The following CAST variants were observed in gnomAD, a reference collection of about 807,000 sequenced individuals.
CAST encodes the protein MIR583 host.
In CAST, 76 loss-of-function variants were observed where a neutral mutation model predicts 119.6. That is an observed-to-expected ratio of 0.64 (90% confidence interval 0.53 to 0.77). The LOEUF (loss-of-function observed/expected upper bound fraction) is 0.77. Among genes scored for constraint, CAST ranks in the 30% least tolerant of loss-of-function variants. CAST has a pLI of 0.00. For missense variants in CAST, 953 were observed against 946.5 expected, an observed-to-expected ratio of 1.01 and a Z score of -0.09; for synonymous variants, 319 against 331.6, an observed-to-expected ratio of 0.96 and a Z score of 0.41.
chr5:96,375,987 CCTGA>C, the CAST span, among the ~76,000 whole-genome samples: 1 of 147,988 alleles, frequency 6.8e-6, no homozygotes, highest in Non-Finnish European at 1.5e-5. Context: ...CCTGGAGAAT[CCTGA>C]CTGATACATT....
intron 8 of CAST, 64 bp from the exon 9 acceptor site, chr5:96,730,716 T>G: frequency 3.4e-6 from 4 of 1,192,180 alleles, no homozygotes; most frequent in South Asian, 1.2e-5. Flanking sequence ...TTGAAACTCA[T>G]GATCTTGATA....
chr5:95,971,281 CATTGTAAGCAT>C, the CAST span, among the ~76,000 whole-genome samples: 1 of 152,098 alleles, frequency 6.6e-6, no homozygotes. Context: ...TTTACATACT[CATTGTAAGCAT>C]ATAGGCTTGC....
At chr5:96,134,043 C>T in the CAST span, among the ~76,000 whole-genome samples, 31 of 152,268 alleles carry the variant, frequency 2.0e-4, no homozygotes, top group African/African-American at 3.8e-4. Context: ...TTTAAACCAC[C>T]GTAAAACCTC....
the CAST span, among the ~76,000 whole-genome samples, chr5:95,995,521 G>A: frequency 6.6e-6 from 1 of 151,938 alleles, no homozygotes; most frequent in African/African-American, 2.4e-5. Context: ...TTTGAATACC[G>A]CTGAAATTTG....
the CAST span, among the ~76,000 whole-genome samples, chr5:96,215,806 CATTT>C: frequency 2.6e-5 from 4 of 151,892 alleles, no homozygotes; most frequent in African/African-American, 9.7e-5. Context: ...TTATAATTTT[CATTT>C]ATTTATGTAT....
intron 3 of CAST, among the ~76,000 whole-genome samples, chr5:96,711,785 T>C (rs1756212887): frequency 6.6e-6 from 1 of 152,222 alleles, no homozygotes; most frequent in African/African-American, 2.4e-5. Flanking sequence ...AATATTGTGC[T>C]CTTTTGTTAT....
the CAST span, among the ~76,000 whole-genome samples, chr5:96,292,870 T>C: frequency 6.6e-6 from 1 of 152,224 alleles, no homozygotes; most frequent in Non-Finnish European, 1.5e-5. Context: ...TTAAAGCCTG[T>C]ATACATGAAA....
intron 1 of CAST, among the ~76,000 whole-genome samples, chr5:96,642,022 A>G (rs959977456): frequency 5.3e-5 from 8 of 152,180 alleles, no homozygotes; most frequent in African/African-American, 1.7e-4. Context: ...GAGGGTGCAC[A>G]ATCTAAACTC....
chr5:95,996,949 A>G, the CAST span, among the ~76,000 whole-genome samples: 1 of 152,144 alleles, frequency 6.6e-6, no homozygotes, highest in Non-Finnish European at 1.5e-5. Flanking sequence ...GCTAAATTTG[A>G]TCATCACATA....
intron 1 of CAST, among the ~76,000 whole-genome samples, chr5:96,537,591 C>G (rs979605264): frequency 6.6e-6 from 1 of 152,198 alleles, no homozygotes; most frequent in African/African-American, 2.4e-5. Context: ...ACTCCCATGG[C>G]AACTGACTCA....
the CAST span, among the ~76,000 whole-genome samples, chr5:96,289,727 A>G: frequency 1.3e-5 from 2 of 152,302 alleles, no homozygotes; most frequent in East Asian, 3.9e-4. Context: ...ATCCTCGGGT[A>G]AGTTATTTAA....
the CAST span, among the ~76,000 whole-genome samples, chr5:96,069,559 C>T: frequency 1.3e-5 from 2 of 151,366 alleles, no homozygotes; most frequent in Non-Finnish European, 2.9e-5. Context: ...TCGTAGCTCA[C>T]GGTAGCCTTC....
intron 2 of CAST, among the ~76,000 whole-genome samples, chr5:96,690,156 T>C (rs1041716132): frequency 6.6e-6 from 1 of 152,212 alleles, no homozygotes; most frequent in Non-Finnish European, 1.5e-5. Flanking sequence ...AGCAACTCAC[T>C]GGAGTGTGCT....
At chr5:96,144,658 C>T in the CAST span, among the ~76,000 whole-genome samples, 2 of 149,406 alleles carry the variant, frequency 1.3e-5, no homozygotes, top group African/African-American at 2.4e-5. Flanking sequence ...TTCATAAACA[C>T]ATACCCAGAC....
chr5:96,235,994 T>G, the CAST span, among the ~76,000 whole-genome samples: 2 of 152,220 alleles, frequency 1.3e-5, no homozygotes, highest in African/African-American at 4.8e-5. Context: ...GATCAACAGT[T>G]CTTCTTGTAA....
the CAST span, among the ~76,000 whole-genome samples, chr5:95,992,187 A>G: frequency 6.6e-6 from 1 of 152,214 alleles, no homozygotes; most frequent in South Asian, 2.1e-4. Context: ...AAATTAAAGA[A>G]AATTCTAAAG....
the CAST span, among the ~76,000 whole-genome samples, chr5:96,330,400 A>C: frequency 6.6e-6 from 1 of 152,186 alleles, no homozygotes; most frequent in Non-Finnish European, 1.5e-5. Flanking sequence ...CCTCTCACTT[A>C]GCTTAGTAAG....
intron 30 of CAST, 136 bp downstream of exon 30, chr5:96,770,738 C>G (rs760206066): frequency 1.7e-6 from 1 of 590,944 alleles, no homozygotes; most frequent in East Asian, 2.8e-5. Context: ...CCCATAGCAT[C>G]GCTTGGTAAA....
the CAST span, among the ~76,000 whole-genome samples, chr5:96,364,994 A>C: frequency 7.2e-6 from 1 of 138,346 alleles, no homozygotes; most frequent in East Asian, 2.2e-4. Context: ...CACTGCTTTA[A>C]GTGTGTCCCA....
Sources: allele counts gnomAD v4.1 joint callset (sites outside exome capture counted in the v4.1 genomes callset), GRCh38; gene constraint gnomAD v4.1.1; transcripts MANE v1.5; gene names NCBI Gene and HGNC (gene_info 2026-07-23, HGNC 2026-07-21).